Variants in TCF7L2 observed in about 807,000 individuals in gnomAD.
TCF7L2 encodes the protein transcription factor 7-like 2.
A neutral mutation model predicts 77.9 loss-of-function variants in TCF7L2; 23 were observed. The observed-to-expected ratio is 0.30, with a 90% CI of 0.21 to 0.42. The LOEUF (loss-of-function observed/expected upper bound fraction) is 0.42. TCF7L2 is among the 10% of genes least tolerant of loss of function. TCF7L2 has a pLI of 1.00. For missense variants in TCF7L2, 654 were observed against 793.1 expected, an observed-to-expected ratio of 0.82 and a Z score of 2.11; for synonymous variants, 413 against 340.2, an observed-to-expected ratio of 1.21 and a Z score of -2.36.
intron 8 of TCF7L2, among the ~76,000 whole-genome samples, chr10:113,149,972 C>T (rs290487): frequency 0.17 from 26,011 of 152,118 alleles, 2,929 homozygotes; most frequent in East Asian, 0.6. Flanking sequence ...GGTGACACCA[C>T]GCAAAATTGA....
intron 4 of TCF7L2, among the ~76,000 whole-genome samples, chr10:112,994,724 A>T (rs374462588): frequency 5.3e-5 from 8 of 152,314 alleles, no homozygotes; most frequent in African/African-American, 1.9e-4. Flanking sequence ...GGTTATAAAA[A>T]GTGGTTTGGG....
At chr10:113,064,714 G>A (rs10885410) in intron 5 of TCF7L2, among the ~76,000 whole-genome samples, 35,272 of 152,080 alleles carry the variant, frequency 0.23, 4,572 homozygotes, top group Non-Finnish European at 0.28. Context: ...GCCAGTTCAC[G>A]GCATATAAAA....
At position 113,133,133 on chromosome 10, in the gene TCF7L2, A is replaced by G. The variant is rs2066865581; in HGVS notation, c.553-8051A>G. The G allele has an allele frequency of 2.0e-5, 3 of 152,196 alleles. No homozygotes were observed. In the East Asian group the frequency reaches 5.8e-4, roughly 29 times the overall value. The allele number at this position is 152,196 out of a possible 1,614,324, so 9.4% of individuals were successfully genotyped here. ...AAATAAATTATGTTTAATGAACTTA[A>G]CTGGAAGTAATTGTTCAAGAGCCTG... On this transcript the variant is annotated intron_variant, in intron 5 of 13. Transcript: ENST00000627217.
intron 4 of TCF7L2, among the ~76,000 whole-genome samples, chr10:113,038,298 C>T (rs1276271878): frequency 1.3e-5 from 2 of 152,114 alleles, no homozygotes; most frequent in Non-Finnish European, 2.9e-5. Context: ...GATGCAGGGT[C>T]TTGTGGCAAG....
intron 5 of TCF7L2, among the ~76,000 whole-genome samples, chr10:113,109,544 C>G (rs1339370144): frequency 3.9e-5 from 6 of 152,170 alleles, no homozygotes; most frequent in Non-Finnish European, 7.4e-5. Context: ...GCTCCTGCCA[C>G]CACGCCCAGC....
At chr10:113,114,873 A>C (rs1407394809) in intron 5 of TCF7L2, among the ~76,000 whole-genome samples, 2 of 152,220 alleles carry the variant, frequency 1.3e-5, no homozygotes, top group Non-Finnish European at 2.9e-5. Context: ...TTATTGCTAC[A>C]TTTCCATGTG....
intron 4 of TCF7L2, among the ~76,000 whole-genome samples, chr10:113,005,709 G>T (rs1041492149): frequency 3.3e-5 from 5 of 152,086 alleles, no homozygotes; most frequent in African/African-American, 1.2e-4. Context: ...GGGTTGGCTG[G>T]GGGGGAGGAG....
intron 3 of TCF7L2, among the ~76,000 whole-genome samples, chr10:112,958,577 T>C (rs1357055103): frequency 1.3e-5 from 2 of 152,050 alleles, no homozygotes; most frequent in African/African-American, 4.8e-5. Context: ...TAGGCTACAG[T>C]GAGATTCTCT....
intron 4 of TCF7L2, among the ~76,000 whole-genome samples, chr10:112,979,953 T>C (rs1564738836): frequency 6.6e-6 from 1 of 151,860 alleles, no homozygotes; most frequent in Non-Finnish European, 1.5e-5. Context: ...CCAATGGGAG[T>C]CTTCCAAATC....
At chr10:113,092,425 G>A (rs2060495032) in intron 5 of TCF7L2, among the ~76,000 whole-genome samples, 1 of 152,232 alleles carries the variant, frequency 6.6e-6, no homozygotes, top group East Asian at 1.9e-4. Flanking sequence ...GAGAGAGCTG[G>A]TGGGCTCAGA....
At chr10:113,105,989 TAA>T (rs2062253921) in intron 5 of TCF7L2, among the ~76,000 whole-genome samples, 1 of 152,032 alleles carries the variant, frequency 6.6e-6, no homozygotes, top group Non-Finnish European at 1.5e-5. Context: ...GTCCTGTGGG[TAA>T]GGAGATAGTA....
chr10:112,973,223 G>C (rs898865436), intron 4 of TCF7L2, among the ~76,000 whole-genome samples: 3 of 152,320 alleles, frequency 2.0e-5, no homozygotes, highest in East Asian at 3.9e-4. Context: ...GCTTGGAACG[G>C]GTCCTGACAT....
At chr10:113,099,652 G>A (rs768717610) in intron 5 of TCF7L2, among the ~76,000 whole-genome samples, 1 of 152,196 alleles carries the variant, frequency 6.6e-6, no homozygotes, top group African/African-American at 2.4e-5. Context: ...GGTGACCCCC[G>A]AGCTCCCAGC....
intron 4 of TCF7L2, among the ~76,000 whole-genome samples, chr10:113,028,907 A>C (rs750101673): frequency 1.3e-4 from 20 of 152,328 alleles, no homozygotes; most frequent in Non-Finnish European, 2.6e-4. Flanking sequence ...TGTACCTCTC[A>C]AAGGTCATTT....
intron 5 of TCF7L2, among the ~76,000 whole-genome samples, chr10:113,097,646 GAAAAAAAAAAA>G (rs869133669): frequency 5.4e-5 from 2 of 36,742 alleles, no homozygotes; most frequent in South Asian, 1.8e-3. Flanking sequence ...TCTTGTCTCG[GAAAAAAAAAAA>G]AAAAAAAAAA....
At chr10:112,996,217 T>C (rs1283325102) in intron 4 of TCF7L2, among the ~76,000 whole-genome samples, 1 of 152,104 alleles carries the variant, frequency 6.6e-6, no homozygotes, top group Non-Finnish European at 1.5e-5. Context: ...GAAGTGAATG[T>C]TGTGCATTGA....
At position 113,166,468 on chromosome 10, in the gene TCF7L2, T is replaced by C. The variant is rs1477951148; in HGVS notation, c.*496T>C. 1.5e-5 allele frequency: 3 copies of C among 205,276 alleles called. No individual in the cohort carries two copies. Among genetic ancestry groups the C allele is most frequent in the Non-Finnish European group, 2.9e-5 (3 of 104,448 alleles). The allele number at this position is 205,276 out of a possible 1,614,324, so 12.7% of individuals were successfully genotyped here. A position where few individuals can be genotyped will look rare whatever the true frequency, so the allele number is the denominator to read the frequency against. ...TGCCGTTACTTTTTTTTTTTTTTTC[T>C]GTGTGAAACAACTCTTATTGTGATG... is the stretch of plus-strand genomic sequence containing the variant. On this transcript the variant is annotated 3_prime_UTR_variant, in exon 14 of 14. Transcript: ENST00000627217.
At chr10:112,997,723 TC>T (rs1389953089) in intron 4 of TCF7L2, among the ~76,000 whole-genome samples, 3 of 152,192 alleles carry the variant, frequency 2.0e-5, no homozygotes, top group Non-Finnish European at 4.4e-5. Flanking sequence ...CTGAGTAATT[TC>T]CATCTTAGGA....
chr10:112,982,712 C>T (rs1339658865), intron 4 of TCF7L2, among the ~76,000 whole-genome samples: 1 of 152,184 alleles, frequency 6.6e-6, no homozygotes, highest in Non-Finnish European at 1.5e-5. Context: ...CCTCCATCCA[C>T]CTCCCGGATT....
Sources: allele counts gnomAD v4.1 joint callset (sites outside exome capture counted in the v4.1 genomes callset), GRCh38; gene constraint gnomAD v4.1.1; transcripts MANE v1.5; gene names NCBI Gene and HGNC (gene_info 2026-07-23, HGNC 2026-07-21).